The following RPS6KC1 variants were observed in gnomAD, a reference collection of about 807,000 sequenced individuals.
RPS6KC1 encodes the protein inactive ribosomal protein S6 kinase delta-1.
In RPS6KC1, 54 loss-of-function variants were observed where a neutral mutation model predicts 103.8. That is an observed-to-expected ratio of 0.52 (90% CI 0.42 to 0.65). The LOEUF (loss-of-function observed/expected upper bound fraction) is 0.65, where lower values mean the gene tolerates loss of function less well. Among genes scored for constraint, RPS6KC1 ranks in the 30% least tolerant of loss-of-function variants. RPS6KC1 has a pLI of 0.00. For synonymous variants in RPS6KC1, 439 were observed against 438.7 expected (o/e 1.00, Z -0.01); for missense variants, 1,151 against 1,253.8 (o/e 0.92, Z 1.24).
chr1:213,561,544 G>T, the RPS6KC1 span, among the ~76,000 whole-genome samples: 2 of 152,222 alleles, frequency 1.3e-5, no homozygotes, highest in African/African-American at 2.4e-5. Flanking sequence ...GCAAAGGGAT[G>T]CTAGGTGTGT....
chr1:213,246,685 T>C (rs977394597), intron 12 of RPS6KC1, among the ~76,000 whole-genome samples: 2 of 152,136 alleles, frequency 1.3e-5, no homozygotes, highest in Non-Finnish European at 2.9e-5. Flanking sequence ...TACTTTTTTT[T>C]ACTACTTTTT....
the RPS6KC1 span, among the ~76,000 whole-genome samples, chr1:213,609,621 T>C: frequency 6.6e-6 from 1 of 151,558 alleles, no homozygotes; most frequent in Non-Finnish European, 1.5e-5. Flanking sequence ...GGGGCTAGAG[T>C]GTGCACTAGG....
chr1:213,842,226 G>A, the RPS6KC1 span: 1 of 152,350 alleles, frequency 6.6e-6, no homozygotes, highest in East Asian at 1.9e-4. Context: ...GCAACACTGT[G>A]GTCTCAAGAG....
chr1:213,136,195 A>G (rs1452030793), intron 6 of RPS6KC1, among the ~76,000 whole-genome samples: 1 of 152,154 alleles, frequency 6.6e-6, no homozygotes, highest in Non-Finnish European at 1.5e-5. Flanking sequence ...ACCCCTGACT[A>G]GCTCCAGGTT....
intron 4 of RPS6KC1, 55 bp from the exon 5 acceptor site, chr1:213,117,262 T>C: frequency 1.0e-6 from 1 of 991,452 alleles, no homozygotes; most frequent in South Asian, 1.4e-5. Context: ...ATTTTTTATT[T>C]AGTGTTGTTT....
chr1:213,092,174 G>A (rs766721766), intron 3 of RPS6KC1, among the ~76,000 whole-genome samples: 19 of 152,156 alleles, frequency 1.2e-4, no homozygotes, highest in Admixed American at 7.2e-4. Flanking sequence ...CTTGCTGATT[G>A]CCTGAAAGGC....
chr1:213,313,505 C>G, the RPS6KC1 span, among the ~76,000 whole-genome samples: 1 of 152,146 alleles, frequency 6.6e-6, no homozygotes, highest in Admixed American at 6.5e-5. Context: ...TGACACTTTC[C>G]TATATGCCAC....
chr1:213,281,867 G>A, the RPS6KC1 span, among the ~76,000 whole-genome samples: 1 of 152,318 alleles, frequency 6.6e-6, no homozygotes, highest in East Asian at 1.9e-4. Context: ...GCCCATTGCA[G>A]CATTGGTAGC....
At chr1:213,522,564 G>A in the RPS6KC1 span, among the ~76,000 whole-genome samples, 1 of 152,202 alleles carries the variant, frequency 6.6e-6, no homozygotes, top group African/African-American at 2.4e-5. Flanking sequence ...TCCAATAGAA[G>A]GCTGTCTTAT....
the RPS6KC1 span, among the ~76,000 whole-genome samples, chr1:213,779,966 T>G: frequency 3.1e-4 from 47 of 152,180 alleles, no homozygotes; most frequent in Admixed American, 1.6e-3. Flanking sequence ...AGTACTTGTC[T>G]ACATGGGTGC....
the RPS6KC1 span, among the ~76,000 whole-genome samples, chr1:213,631,475 A>G: frequency 7.2e-5 from 11 of 152,050 alleles, no homozygotes; most frequent in Admixed American, 6.6e-4. Context: ...TTACTGATGA[A>G]CTTTAGGATG....
chr1:213,400,330 G>A, the RPS6KC1 span, among the ~76,000 whole-genome samples: 1 of 152,114 alleles, frequency 6.6e-6, no homozygotes, highest in Non-Finnish European at 1.5e-5. Flanking sequence ...AATGAAAATT[G>A]TAACTTTTCT....
chr1:213,523,531 T>A, the RPS6KC1 span, among the ~76,000 whole-genome samples: 1 of 152,166 alleles, frequency 6.6e-6, no homozygotes, highest in Non-Finnish European at 1.5e-5. Flanking sequence ...TCTACAGGGT[T>A]GTTGTAAAAA....
the RPS6KC1 span, among the ~76,000 whole-genome samples, chr1:213,647,504 G>A: frequency 1.3e-5 from 2 of 152,130 alleles, no homozygotes; most frequent in Non-Finnish European, 2.9e-5. Context: ...CCTGGGTACC[G>A]ATTCTTGTTC....
At chr1:213,612,466 G>C in the RPS6KC1 span, among the ~76,000 whole-genome samples, 5 of 152,298 alleles carry the variant, frequency 3.3e-5, no homozygotes, top group South Asian at 1.0e-3. Context: ...GTGGCTGGGG[G>C]TCCTTCAACA....
the RPS6KC1 span, among the ~76,000 whole-genome samples, chr1:213,518,804 G>A: frequency 6.6e-6 from 1 of 152,132 alleles, no homozygotes; most frequent in Non-Finnish European, 1.5e-5. Context: ...TATATAGATG[G>A]TAGATATTGA....
At chr1:213,431,597 C>T in the RPS6KC1 span, among the ~76,000 whole-genome samples, 12 of 151,238 alleles carry the variant, frequency 7.9e-5, no homozygotes, top group Non-Finnish European at 1.5e-4. Flanking sequence ...CCGTTTTTAG[C>T]GTATGGCAGT....
At chr1:213,331,297 C>G in the RPS6KC1 span, among the ~76,000 whole-genome samples, 20 of 152,198 alleles carry the variant, frequency 1.3e-4, no homozygotes, top group Admixed American at 9.8e-4. Flanking sequence ...ATTGGGTGCC[C>G]ACTCTGTGCA....
chr1:213,631,862 C>T, the RPS6KC1 span, among the ~76,000 whole-genome samples: 4 of 152,016 alleles, frequency 2.6e-5, no homozygotes, highest in African/African-American at 4.8e-5. Flanking sequence ...TAGCTGTTTT[C>T]TTTTTGATGT....
Sources: allele counts gnomAD v4.1 joint callset (sites outside exome capture counted in the v4.1 genomes callset), GRCh38; gene constraint gnomAD v4.1.1; transcripts MANE v1.5; gene names NCBI Gene and HGNC (gene_info 2026-07-23, HGNC 2026-07-21).